Variants in PTP4A2 observed in about 807,000 individuals in gnomAD.
PTP4A2 encodes protein tyrosine phosphatase type IVA 2.
PTP4A2 carries 2 observed loss-of-function variants against 22.9 expected under a neutral mutation model. The observed-to-expected ratio is 0.09, with a 90% CI of 0.04 to 0.27. The LOEUF (loss-of-function observed/expected upper bound fraction) is 0.27, where lower values mean the gene tolerates loss of function less well. Among genes scored for constraint, PTP4A2 ranks in the 10% least tolerant of loss-of-function variants. PTP4A2 has a pLI of 1.00. For missense variants in PTP4A2, 103 were observed against 205.1 expected, an observed-to-expected ratio of 0.50 and a Z score of 3.04; for synonymous variants, 68 against 69.1, an observed-to-expected ratio of 0.98 and a Z score of 0.08.
At chr1:31,911,067 C>T (rs1651509440) in intron 4 of PTP4A2, 1 of 152,194 alleles carries the variant, frequency 6.6e-6, no homozygotes. Context: ...AACTTCTAAC[C>T]TTATGAACAA....
intron 3 of PTP4A2, chr1:31,914,007 G>A: frequency 2.5e-6 from 1 of 399,834 alleles, no homozygotes; most frequent in Admixed American, 2.9e-5. Flanking sequence ...TTCCAGCAGT[G>A]GACAGTAAAG....
At chr1:31,914,432 A>C in intron 3 of PTP4A2, 1 of 367,570 alleles carries the variant, frequency 2.7e-6, no homozygotes, top group South Asian at 2.0e-5. Flanking sequence ...GGACATGAGG[A>C]AACTATGGAT....
chr1:31,912,336 T>C (rs1236799906), intron 3 of PTP4A2, among the ~76,000 whole-genome samples: 3 of 152,328 alleles, frequency 2.0e-5, no homozygotes, highest in Non-Finnish European at 2.9e-5. Context: ...AAATCTCCAA[T>C]AGTTAGTAAA....
In PTP4A2 at chr1:31,911,684, G is replaced by T. The variant is rs767916454; in HGVS notation, c.320+12C>A. On this transcript the variant is annotated intron_variant, in intron 4 of 5. Transcript: ENST00000647444. The stretch of plus-strand genomic sequence containing the variant: ...AATTCAGACAAAAAGGGTAATAAAG[G>T]TAAGAGTTTACCTTCCCAATCCTGC... The T allele has an allele frequency of 3.2e-6, 5 of 1,564,002 alleles. No individual in the cohort carries two copies. Among genetic ancestry groups the T allele is most frequent in the South Asian group, 1.2e-5 (1 of 82,432 alleles).
At chr1:31,937,680 A>C (rs2124290624) in intron 1 of PTP4A2, 1 of 136,180 alleles carries the variant, frequency 7.3e-6, no homozygotes, top group Non-Finnish European at 1.6e-5. Flanking sequence ...TTCCCCCAAC[A>C]TCGACACTGC....
intron 3 of PTP4A2, chr1:31,913,822 A>T (rs1490793805): frequency 2.2e-6 from 1 of 456,184 alleles, no homozygotes; most frequent in African/African-American, 2.0e-5. Flanking sequence ...TGGTCAATCC[A>T]GTCATTTTCT....
intron 2 of PTP4A2, among the ~76,000 whole-genome samples, chr1:31,916,836 T>C (rs1005370669): frequency 6.6e-6 from 1 of 152,210 alleles, no homozygotes; most frequent in Non-Finnish European, 1.5e-5. Flanking sequence ...CACACAGATA[T>C]ATGCAGAGAA....
intron 5 of PTP4A2, among the ~76,000 whole-genome samples, chr1:31,909,414 G>A (rs1458955260): frequency 2.0e-5 from 3 of 152,090 alleles, no homozygotes; most frequent in South Asian, 4.1e-4. Flanking sequence ...GGTGGCTCAC[G>A]CCTGTAATCC....
chr1:31,911,747 C>T lies in PTP4A2; in HGVS notation c.269G>A (p.Arg90His), dbSNP rs376420131. 10 of 1,606,604 alleles carry T rather than the reference C, an allele frequency of 6.2e-6. No homozygotes were observed. The highest frequency in any genetic ancestry group is 1.3e-5 in the African/African-American group (1 of 74,462). ...TGCAACACAGCAACCTGGCTCTTCA[C>T]GAAATTTGGTTTTTAACAGGTTTAA... is the stretch of plus-strand genomic sequence containing the variant. ...DWLNLLKTKF[R>H]EEPGCCVAVH... The change falls in exon 4 of 6, where the codon CGT (arginine) becomes CAT (histidine). Residue 90 changes from arginine to histidine, a missense_variant. Arg to His is a conservative substitution (Grantham distance 29, BLOSUM62 0). Coordinates refer to ENST00000647444, the MANE Select transcript of PTP4A2 (RefSeq NM_080391.4).
intron 1 of PTP4A2, chr1:31,921,269 G>A (rs548591001): frequency 6.6e-6 from 1 of 152,262 alleles, no homozygotes; most frequent in African/African-American, 2.4e-5. Context: ...ATCACACAAT[G>A]GAAGTTTTTA....
Position 31,909,198 on chromosome 1 carries a change from A to G in PTP4A2, c.396-238T>C, listed in dbSNP as rs74065984. 6.6e-3 allele frequency among the ~76,000 whole-genome samples: 1,005 copies of G among 152,342 alleles called. 11 individuals are homozygous for G. Among genetic ancestry groups the G allele is most frequent in the African/African-American group, 0.022 (926 of 41,574 alleles). Reference sequence around the variant, plus strand: ...ATTATAGTCTATTAACCATTTAATAAAGATCAGAATAGTTTCTACTTTCGT... The same window carrying G: ...ATTATAGTCTATTAACCATTTAATAGAGATCAGAATAGTTTCTACTTTCGT... On this transcript the variant is annotated intron_variant, in intron 5 of 5. Coordinates refer to ENST00000647444, the MANE Select transcript of PTP4A2 (RefSeq NM_080391.4).
chr1:31,933,808 C>T (rs1267355457), intron 1 of PTP4A2: 1 of 152,160 alleles, frequency 6.6e-6, no homozygotes, highest in African/African-American at 2.4e-5. Context: ...ATACTACTTA[C>T]AGGATTATTG....
chr1:31,912,945 A>G (rs1305608815), intron 3 of PTP4A2: 3 of 430,380 alleles, frequency 7.0e-6, no homozygotes, highest in African/African-American at 4.1e-5. Flanking sequence ...AAATGTCACT[A>G]GAGAGTTTAA....
Position 31,908,037 on chromosome 1 carries a change from G to A in PTP4A2, c.*815C>T, listed in dbSNP as rs1651268822. Reference sequence around the variant, plus strand: ...AAAACAAAAGGCTCTTGGCTACTTTGCCTAGTATTAGATAGGGTTTTGAAG... The same window carrying A: ...AAAACAAAAGGCTCTTGGCTACTTTACCTAGTATTAGATAGGGTTTTGAAG... On this transcript the variant is annotated 3_prime_UTR_variant, in exon 6 of 6. Coordinates refer to ENST00000647444, the MANE Select transcript of PTP4A2 (RefSeq NM_080391.4). 7.0e-6 allele frequency: 1 copy of A among 143,474 alleles called. No homozygotes were observed. The highest frequency in any genetic ancestry group is 7.1e-5 in the Admixed American group (1 of 14,004). 8.9% of individuals were successfully genotyped at this position (143,474 alleles called of 1,614,324 possible). A position where few individuals can be genotyped will look rare whatever the true frequency, so the allele number is the denominator to read the frequency against.
intron 1 of PTP4A2, among the ~76,000 whole-genome samples, chr1:31,935,871 T>G (rs937654792): frequency 1.3e-5 from 2 of 152,120 alleles, no homozygotes; most frequent in Non-Finnish European, 2.9e-5. Flanking sequence ...ACTGGCTCAC[T>G]GCAGCCTTGA....
At chr1:31,917,178 T>A (rs1025415098) in intron 2 of PTP4A2, among the ~76,000 whole-genome samples, 5 of 152,186 alleles carry the variant, frequency 3.3e-5, no homozygotes, top group African/African-American at 1.2e-4. Flanking sequence ...TAGTACCACA[T>A]AATTCAGCCA....
At chr1:31,921,525 TTTA>T (rs953811633) in intron 1 of PTP4A2, 2 of 152,226 alleles carry the variant, frequency 1.3e-5, no homozygotes, top group Non-Finnish European at 2.9e-5. Context: ...TGACAGAATT[TTTA>T]TTATTATTTT....
At chr1:31,935,842 T>C (rs1652911405) in intron 1 of PTP4A2, among the ~76,000 whole-genome samples, 1 of 152,158 alleles carries the variant, frequency 6.6e-6, no homozygotes, top group Non-Finnish European at 1.5e-5. Context: ...TCTTCTTATT[T>C]TTTTTGAGAG....
rs189288342 is a variant in PTP4A2 at position 31,928,583 on chromosome 1, C to A, written c.-593-8925G>T. ...GGTATTGTGGCGCATGGCTGTAGTC[C>A]CAGCTCAGGTGGCTGAAGCAGGAGA... On this transcript the variant is annotated intron_variant, in intron 1 of 5. Transcript: ENST00000647444. Among the ~76,000 whole-genome samples the A allele has an allele frequency of 2.0e-3, 305 of 151,432 alleles. 2 individuals carry two copies. The highest frequency in any genetic ancestry group is 7.8e-3 in the Admixed American group (118 of 15,162).
Sources: allele counts gnomAD v4.1 joint callset (sites outside exome capture counted in the v4.1 genomes callset), GRCh38; gene constraint gnomAD v4.1.1; transcripts MANE v1.5; gene names NCBI Gene and HGNC (gene_info 2026-07-23, HGNC 2026-07-21).